Variants in SLC4A2 observed in about 807,000 individuals in gnomAD.
SLC4A2 encodes the protein anion exchange protein 2.
In SLC4A2, 36 loss-of-function variants were observed where a neutral mutation model predicts 115.0. The observed-to-expected ratio is 0.31, with a 90% CI of 0.24 to 0.41. The LOEUF is 0.41. Among genes scored for constraint, SLC4A2 ranks in the 10% least tolerant of loss-of-function variants. The pLI is 1.00. For synonymous variants in SLC4A2, 708 were observed against 708.3 expected, an observed-to-expected ratio of 1.00 and a Z score of 0.01; for missense variants, 1,252 against 1,705.6, an observed-to-expected ratio of 0.73 and a Z score of 4.68.
intron 2 of SLC4A2, chr7:151,062,806 CAG>C: frequency 7.3e-7 from 1 of 1,369,196 alleles, no homozygotes; most frequent in African/African-American, 1.5e-5. Context: ...GCCTTCCTCA[CAG>C]AGGGGAGAAG....
Position 151,076,439 on chromosome 7 carries a change from TGCCCCTCCCTC to T in SLC4A2, c.*73_*83del, listed in dbSNP as rs1797650263. Reference sequence around the variant, plus strand: ...TGGTGGGATGGGGTTCCCCCTCCCATGCCCCTCCCTCCTTTTTATTTAAGTGAATAATTTAA... The same window carrying T: ...TGGTGGGATGGGGTTCCCCCTCCCATCTTTTTATTTAAGTGAATAATTTAA... On this transcript the variant is annotated 3_prime_UTR_variant, in exon 23 of 23. Coordinates refer to ENST00000413384, the MANE Select transcript of SLC4A2 (RefSeq NM_003040.4). The T allele has an allele frequency of 8.8e-6, 10 of 1,131,200 alleles. 1 individual carries two copies. The South Asian group carries it at 1.8e-4, about 20-fold the overall frequency. 70.1% of individuals were successfully genotyped at this position (1,131,200 alleles called of 1,614,324 possible).
chr7:151,069,892 C>T, intron 8 of SLC4A2, 55 bp from the exon 9 acceptor site: 2 of 1,610,716 alleles, frequency 1.2e-6, no homozygotes, highest in Non-Finnish European at 1.7e-6. Flanking sequence ...ATCCCATCTC[C>T]TGCCACTGTT....
intron 7 of SLC4A2, 114 bp downstream of exon 7, chr7:151,067,107 T>C (rs1459460523): frequency 1.7e-6 from 2 of 1,150,528 alleles, no homozygotes; most frequent in Non-Finnish European, 2.5e-6. Context: ...TTGTTGTTGT[T>C]TGAGACAGTC....
At chr7:151,072,956 C>T (rs1427310256) in intron 16 of SLC4A2, among the ~76,000 whole-genome samples, 1 of 152,058 alleles carries the variant, frequency 6.6e-6, no homozygotes, top group Non-Finnish European at 1.5e-5. Context: ...AGCCACTGCA[C>T]CCAGCCAAAA....
At chr7:151,062,566 C>T in intron 2 of SLC4A2, 1 of 1,452,722 alleles carries the variant, frequency 6.9e-7, no homozygotes, top group Admixed American at 2.7e-5. Context: ...CACACTGGCC[C>T]AGAGGGGCAC....
rs375977483 is a variant in SLC4A2 at position 151,066,584 on chromosome 7, G to A, written c.646G>A (p.Gly216Arg). Residue 216 changes from glycine to arginine, a missense_variant, in exon 6 of 23, where the codon GGG becomes AGG. By Grantham distance (125) the Gly-to-Arg change is moderately radical (BLOSUM62 -2). Around this residue, in one of 14 missense-constraint regions of SLC4A2, gnomAD observed 215 missense variants for 205.2 expected, o/e 1.05. Coordinates refer to ENST00000413384, the MANE Select transcript of SLC4A2 (RefSeq NM_003040.4). ...VASGTAGGDD[G>R]GASGRPLPKA... ...CAGTGGCACTGCAGGGGGTGACGAC[G>A]GGGGTGCCTCGGGGCGCCCCCTGCC... is the stretch of plus-strand genomic sequence containing the variant. 1.9e-5 allele frequency: 29 copies of A among 1,547,222 alleles called. No homozygotes were observed. The highest frequency in any genetic ancestry group is 2.7e-5 in the African/African-American group (2 of 72,966).
In SLC4A2 at chr7:151,059,790, G is replaced by C. The variant is rs1796987964; in HGVS notation, c.-64+28G>C. On this transcript the variant is annotated intron_variant, in intron 1 of 22. Coordinates refer to ENST00000413384, the MANE Select transcript of SLC4A2 (RefSeq NM_003040.4). This position sits in a 1 kb window ranked among gnomAD's most constrained non-coding sequence, Gnocchi z 5.8. ...AGGCGGAGAGGTGGTGGCGGGGGACGGCCAGGGCCGCAGAGGGAGGAAGGG... is the reference window on the plus strand; with the variant it reads ...AGGCGGAGAGGTGGTGGCGGGGGACCGCCAGGGCCGCAGAGGGAGGAAGGG... 1 of 150,646 alleles carries C rather than the reference G, an allele frequency of 6.6e-6. No homozygotes were observed. 9.3% of individuals were successfully genotyped at this position (150,646 alleles called of 1,614,324 possible). A position where few individuals can be genotyped will look rare whatever the true frequency, so the allele number is the denominator to read the frequency against.
Position 151,070,266 on chromosome 7 carries a change from CA to C in SLC4A2, c.1370del (p.Gln457ArgfsTer48). On this transcript the variant is annotated frameshift_variant, in exon 10 of 23. Coordinates refer to ENST00000413384, the MANE Select transcript of SLC4A2 (RefSeq NM_003040.4). LOFTEE classifies it high-confidence loss of function. The stretch of plus-strand genomic sequence containing the variant: ...CTCCCTGCTGGGGCATCACCATGGT[CA>C]GGGGGCTGAGAGTGACCCCCACGTC... ...LGSLLGHHHG[Q>X]GAESDPHVTE... 1 of 1,614,010 alleles carries C rather than the reference CA, an allele frequency of 6.2e-7. No individual in the cohort carries two copies. Among genetic ancestry groups the C allele is most frequent in the Non-Finnish European group, 8.5e-7 (1 of 1,180,024 alleles).
Position 151,070,799 on chromosome 7 carries a change from T to C in SLC4A2, c.1637T>C (p.Val546Ala), listed in dbSNP as rs1379254724. 1 of 1,613,968 alleles carries C rather than the reference T, an allele frequency of 6.2e-7. No homozygotes were observed. Among genetic ancestry groups the C allele is most frequent in the Non-Finnish European group, 8.5e-7 (1 of 1,180,030 alleles). The change falls in exon 12 of 23, where the codon GTG becomes GCG. Residue 546 changes from valine to alanine, a missense_variant. Physicochemically the swap from Val to Ala is moderately conservative, Grantham distance 64 (BLOSUM62 0). Coordinates refer to ENST00000413384, the MANE Select transcript of SLC4A2 (RefSeq NM_003040.4). The stretch of plus-strand genomic sequence containing the variant: ...CGGGAGGCTGTGGAGTTGGACGCAG[T>C]GTTGGAGGTGCCGGTGCCTGTGCGT... ...RLREAVELDA[V>A]LEVPVPVRFL...
chr7:151,069,935 A>T lies in SLC4A2; in HGVS notation c.1148-12A>T. The T allele has an allele frequency of 6.2e-7, 1 of 1,613,608 alleles. No homozygotes were observed. Among genetic ancestry groups the T allele is most frequent in the Non-Finnish European group, 8.5e-7 (1 of 1,179,978 alleles). On this transcript the variant is annotated splice_polypyrimidine_tract_variant and intron_variant, in intron 8 of 22. Transcript: ENST00000413384. ...CTGGGGCTGAGGGGCCCTCTGTGCCATCTTATGCTAGGGGCTGTGCTCTTG... is the reference window on the plus strand; with the variant it reads ...CTGGGGCTGAGGGGCCCTCTGTGCCTTCTTATGCTAGGGGCTGTGCTCTTG...
chr7:151,061,818 T>A (rs1797056225), intron 1 of SLC4A2, 107 bp from the exon 2 acceptor site: 2 of 618,832 alleles, frequency 3.2e-6, no homozygotes, highest in Non-Finnish European at 5.8e-6. Context: ...TAAGGGCCAC[T>A]CTGAGGCCCT....
Position 151,076,387 on chromosome 7 carries a change from G to A in SLC4A2, c.*20G>A, listed in dbSNP as rs199681751. 4.8e-4 allele frequency: 705 copies of A among 1,479,424 alleles called. 2 individuals carry two copies. The highest frequency in any genetic ancestry group is 6.1e-4 in the Non-Finnish European group (678 of 1,114,126). 91.6% of individuals were successfully genotyped at this position (1,479,424 alleles called of 1,614,324 possible). A position where few individuals can be genotyped will look rare whatever the true frequency, so the allele number is the denominator to read the frequency against. On this transcript the variant is annotated 3_prime_UTR_variant, in exon 23 of 23. Coordinates refer to ENST00000413384, the MANE Select transcript of SLC4A2 (RefSeq NM_003040.4). The stretch of plus-strand genomic sequence containing the variant: ...GTGTAGCCGCCACCGAGGGACAGCC[G>A]AGGGACCGATGGACGAGGGGACAGG...
At position 151,066,718 on chromosome 7, in the gene SLC4A2, T is replaced by C. The variant is rs1381488922; in HGVS notation, c.780T>C (p.Ile260=). The change falls in exon 6 of 23, where the codon ATT becomes ATC. Residue 260 remains isoleucine (I), a synonymous_variant. Transcript: ENST00000413384. ...ALLPRVPTDE[I]EAQTLATADL... is the part of the protein sequence containing the mutation. ...TGCCCCGGGTCCCCACGGATGAGATTGAGGCCCAGACGCTGGCCACGGCCG... is the reference window on the plus strand; with the variant it reads ...TGCCCCGGGTCCCCACGGATGAGATCGAGGCCCAGACGCTGGCCACGGCCG... 1 of 1,554,506 alleles carries C rather than the reference T, an allele frequency of 6.4e-7. No homozygotes were observed. The highest frequency in any genetic ancestry group is 8.7e-7 in the Non-Finnish European group (1 of 1,149,042).
rs780394517 is a variant in SLC4A2, at chr7:151,075,270, G to A, written c.3063G>A (p.Lys1021=). The stretch of plus-strand genomic sequence containing the variant: ...CCGCTCTCAGGCTCATCATCTCCAA[G>A]AAGGAGCGCATGCTGCAGAAGGGCT... The part of the protein sequence containing the change: ...ETQITTLIIS[K]KERMLQKGSG... The change falls in exon 20 of 23, where the codon AAG becomes AAA. Residue 1021 remains lysine, a synonymous_variant. Transcript: ENST00000413384. The A allele has an allele frequency of 1.9e-6, 3 of 1,613,012 alleles. No homozygotes were observed. The highest frequency in any genetic ancestry group is 1.1e-5 in the South Asian group (1 of 91,086).
chr7:151,073,020 T>C (rs563598543), intron 16 of SLC4A2, among the ~76,000 whole-genome samples: 1 of 152,288 alleles, frequency 6.6e-6, no homozygotes, highest in Non-Finnish European at 1.5e-5. Context: ...AGTGGCGCCA[T>C]TAGAGCTCAC....
chr7:151,073,356 C>G (rs34159116), intron 16 of SLC4A2, among the ~76,000 whole-genome samples: 4,419 of 152,084 alleles, frequency 0.029, 209 homozygotes, highest in East Asian at 0.2. Context: ...GCCCGCCTCA[C>G]TGCAACTTTG....
rs757797132 is a variant in SLC4A2, at chr7:151,067,981, G to C, written c.1074G>C (p.Glu358Asp). ...AAGAGGACGTGGAGGAGGAGACTGA[G>C]CGCTGGGGGAAGCCCCACGTGGCCT... ...KFEEDVEEET[E>D]RWGKPHVASL... The change falls in exon 8 of 23, where the codon GAG (glutamate) becomes GAC (aspartate). Residue 358 changes from glutamate (E) to aspartate (D), a missense_variant. Glu to Asp is a conservative substitution (Grantham distance 45, BLOSUM62 2). Around this residue, in one of 14 missense-constraint regions of SLC4A2, gnomAD observed 29 missense variants for 80.9 expected, o/e 0.36. Transcript: ENST00000413384. The C allele has an allele frequency of 1.4e-5, 23 of 1,605,046 alleles. No homozygotes were observed. Among genetic ancestry groups the C allele is most frequent in the Non-Finnish European group, 2.0e-5 (23 of 1,177,128 alleles).
Position 151,076,280 on chromosome 7 carries a change from C to G in SLC4A2, c.3646-7C>G. ...TCCCTTCTTGACCGCCACCTCCCCACACACAGCTGGATGCTAACGAGGCAG... is the reference window on the plus strand; with the variant it reads ...TCCCTTCTTGACCGCCACCTCCCCAGACACAGCTGGATGCTAACGAGGCAG... On this transcript the variant is annotated splice_polypyrimidine_tract_variant and splice_region_variant and intron_variant, in intron 22 of 22. Coordinates refer to ENST00000413384, the MANE Select transcript of SLC4A2 (RefSeq NM_003040.4). The G allele has an allele frequency of 6.4e-7, 1 of 1,572,948 alleles. No individual in the cohort carries two copies. Among genetic ancestry groups the G allele is most frequent in the Non-Finnish European group, 8.6e-7 (1 of 1,157,290 alleles).
chr7:151,069,662 G>A (rs1318662144), intron 8 of SLC4A2, among the ~76,000 whole-genome samples: 1 of 152,180 alleles, frequency 6.6e-6, no homozygotes, highest in African/African-American at 2.4e-5. Context: ...CCTGGAAGGG[G>A]TGTCTGACAG....
Sources: gnomAD v4.1 joint callset for allele counts (sites outside exome capture counted in the v4.1 genomes callset) on GRCh38, gnomAD v4.1.1 for gene constraint, gnomAD v4.1.1 regional missense constraint, Gnocchi (gnomAD v3.1) non-coding constraint, MANE v1.5 for transcripts, NCBI Gene and HGNC (gene_info 2026-07-23, HGNC 2026-07-21) for gene names.